Variants in SUB1 observed in about 807,000 individuals in gnomAD.
The protein encoded by SUB1 is SUB1 regulator of transcription.
In SUB1, 1 loss-of-function variant was observed where a neutral mutation model predicts 16.9. The ratio of observed to expected loss-of-function variants is 0.06; its 90% confidence interval spans 0.02 to 0.28. SUB1 has a LOEUF of 0.28. SUB1 is among the 10% of genes least tolerant of loss of function. SUB1 has a pLI of 1.00. For synonymous variants in SUB1, 51 were observed against 46.9 expected (o/e 1.09, Z -0.36); for missense variants, 84 against 145.2 (o/e 0.58, Z 2.16).
At chr5:32,589,908 G>A (rs368004425) in intron 2 of SUB1, among the ~76,000 whole-genome samples, 17 of 152,058 alleles carry the variant, frequency 1.1e-4, no homozygotes, top group African/African-American at 3.1e-4. Flanking sequence ...AGGGGAGAGC[G>A]TATGGGAGAT....
chr5:32,602,832 A>G lies in SUB1; in HGVS notation c.*1748A>G, dbSNP rs560578974. 1 of 152,368 alleles carries G rather than the reference A, an allele frequency of 6.6e-6. No homozygotes were observed. Among genetic ancestry groups the G allele is most frequent in the Admixed American group, 6.5e-5 (1 of 15,298 alleles). The allele number at this position is 152,368 out of a possible 1,614,324, so 9.4% of individuals were successfully genotyped here. A position where few individuals can be genotyped will look rare whatever the true frequency, so the allele number is the denominator to read the frequency against. ...GAAACTCCCAAAGTTTGTACTTTAG[A>G]CACATCATGCTTGATTGGTAACTTC... is the stretch of plus-strand genomic sequence containing the variant. On this transcript the variant is annotated 3_prime_UTR_variant, in exon 5 of 5. Transcript: ENST00000265073.
intron 3 of SUB1, among the ~76,000 whole-genome samples, chr5:32,593,113 A>C (rs1738871816): frequency 6.6e-6 from 1 of 152,084 alleles, no homozygotes; most frequent in African/African-American, 2.4e-5. Context: ...CCTGGGCTCA[A>C]ATGATCCTCC....
chr5:32,591,804 A>G (rs1430413917), intron 3 of SUB1, 119 bp downstream of exon 3: 7 of 1,210,850 alleles, frequency 5.8e-6, no homozygotes, highest in Non-Finnish European at 7.6e-6. Context: ...GAGTTCAAGC[A>G]GTTCTCTGCC....
rs70961652 is a variant in SUB1 at position 32,590,762 on chromosome 5, A to ATTTTTTTTTT, written c.73-787_73-778dup. Among the ~76,000 whole-genome samples, 132 of 33,968 alleles carry ATTTTTTTTTT rather than the reference A, an allele frequency of 3.9e-3. 54 individuals are homozygous for ATTTTTTTTTT. The highest frequency in any genetic ancestry group is 0.016 in the South Asian group (7 of 432). The allele number at this position is 33,968 out of a possible 152,430, so 22.3% of individuals were successfully genotyped here. A position where few individuals can be genotyped will look rare whatever the true frequency, so the allele number is the denominator to read the frequency against. On this transcript the variant is annotated intron_variant, in intron 2 of 4. Coordinates refer to ENST00000265073, the MANE Select transcript of SUB1 (RefSeq NM_006713.4). ...AGGCGTGTGCCACCACGCCTGGCTA[A>ATTTTTTTTTT]TTTTTTTTTTTTTTTTTTTTTTTGA... is the stretch of plus-strand genomic sequence containing the variant.
At chr5:32,590,161 C>G (rs2111658563) in intron 2 of SUB1, among the ~76,000 whole-genome samples, 1 of 152,176 alleles carries the variant, frequency 6.6e-6, no homozygotes, top group East Asian at 1.9e-4. Flanking sequence ...ATTGAGCTAA[C>G]TTTTTGTTTG....
chr5:32,600,037 T>G (rs1739077708), intron 4 of SUB1, among the ~76,000 whole-genome samples: 1 of 152,256 alleles, frequency 6.6e-6, no homozygotes, highest in Non-Finnish European at 1.5e-5. Context: ...GGTGATATGC[T>G]AAGTTCATTA....
At chr5:32,600,934 C>G (rs1440506671) in intron 4 of SUB1, 71 bp from the exon 5 acceptor site, 2 of 1,400,346 alleles carry the variant, frequency 1.4e-6, no homozygotes, top group African/African-American at 2.8e-5. Context: ...AAACAGTATT[C>G]TAGTTGGAAG....
chr5:32,590,786 G>C (rs1023887332), intron 2 of SUB1, among the ~76,000 whole-genome samples: 5 of 1,654 alleles, frequency 3.0e-3, no homozygotes, highest in Non-Finnish European at 0.013. Context: ...TTTTTTTTTT[G>C]AGATGGAGTA....
intron 1 of SUB1, among the ~76,000 whole-genome samples, chr5:32,586,856 T>A (rs540456687): frequency 2.0e-5 from 3 of 152,234 alleles, no homozygotes; most frequent in Admixed American, 1.3e-4. Context: ...ACATTACCAG[T>A]TAAAATCAGA....
chr5:32,585,810 C>A (rs989906160), intron 1 of SUB1, 185 bp downstream of exon 1: 1 of 152,378 alleles, frequency 6.6e-6, no homozygotes, highest in Non-Finnish European at 1.5e-5. Flanking sequence ...CCACGCCTGA[C>A]GCGCTGTGGG....
At chr5:32,588,021 A>T (rs1000498955) in intron 1 of SUB1, among the ~76,000 whole-genome samples, 2 of 152,226 alleles carry the variant, frequency 1.3e-5, no homozygotes, top group African/African-American at 4.8e-5. Flanking sequence ...ATTAGATGTC[A>T]CATTTGCATA....
chr5:32,600,340 A>G (rs1739084717), intron 4 of SUB1, among the ~76,000 whole-genome samples: 1 of 152,258 alleles, frequency 6.6e-6, no homozygotes, highest in Non-Finnish European at 1.5e-5. Flanking sequence ...TTGGGCAAAT[A>G]TTGGAACCAG....
chr5:32,601,612 C>T lies in SUB1; in HGVS notation c.*528C>T, dbSNP rs1216137904. 1 of 152,704 alleles carries T rather than the reference C, an allele frequency of 6.5e-6. No homozygotes were observed. Among genetic ancestry groups the T allele is most frequent in the African/African-American group, 2.4e-5 (1 of 41,410 alleles). The allele number at this position is 152,704 out of a possible 1,614,324, so 9.5% of individuals were successfully genotyped here. On this transcript the variant is annotated 3_prime_UTR_variant, in exon 5 of 5. Transcript: ENST00000265073. ...CTCTTCATGTTCAGTTTTTACTTCA[C>T]TCTTTATTCTTTTCTTTGATTATGG...
At chr5:32,591,412 T>C (rs1441655243) in intron 2 of SUB1, 151 bp from the exon 3 acceptor site, 3 of 1,073,942 alleles carry the variant, frequency 2.8e-6, no homozygotes, top group South Asian at 4.3e-5. Flanking sequence ...ATTCATAGTT[T>C]TGTTGTTGAG....
Position 32,601,529 on chromosome 5 carries a change from C to T in SUB1, c.*445C>T, listed in dbSNP as rs1739113362. On this transcript the variant is annotated 3_prime_UTR_variant, in exon 5 of 5. Coordinates refer to ENST00000265073, the MANE Select transcript of SUB1 (RefSeq NM_006713.4). ...TCAAATGTCTAGGCTTGTTTGACTT[C>T]CACCCCCAATGGTTTTTCACTCTTT... 1 of 153,388 alleles carries T rather than the reference C, an allele frequency of 6.5e-6. No individual in the cohort carries two copies. Among genetic ancestry groups the T allele is most frequent in the South Asian group, 2.0e-4 (1 of 4,896 alleles). 9.5% of individuals were successfully genotyped at this position (153,388 alleles called of 1,614,324 possible). A position where few individuals can be genotyped will look rare whatever the true frequency, so the allele number is the denominator to read the frequency against.
intron 4 of SUB1, among the ~76,000 whole-genome samples, chr5:32,599,859 C>T (rs1739073457): frequency 6.6e-6 from 1 of 151,942 alleles, no homozygotes; most frequent in Non-Finnish European, 1.5e-5. Context: ...CAGCAGTTTT[C>T]TGGGAATACT....
chr5:32,591,560 T>C lies in SUB1; in HGVS notation c.73-3T>C. 1 of 1,588,986 alleles carries C rather than the reference T, an allele frequency of 6.3e-7. No homozygotes were observed. Among genetic ancestry groups the C allele is most frequent in the Non-Finnish European group, 8.5e-7 (1 of 1,172,544 alleles). On this transcript the variant is annotated splice_region_variant and splice_polypyrimidine_tract_variant and intron_variant, in intron 2 of 4. Transcript: ENST00000265073. The stretch of plus-strand genomic sequence containing the variant: ...TGCAAATTTTAACCATATTCTTTTC[T>C]AGTTAAAGAGGAAAAAGCAAGTTGC...
chr5:32,599,294 A>G lies in SUB1; in HGVS notation c.304+225A>G, dbSNP rs148824977. On this transcript the variant is annotated intron_variant, in intron 4 of 4. Transcript: ENST00000265073. ...AACCCAGAAAAGTAACACCCCTAAT[A>G]TCACTTCAGTTGGCTGCTAATTTAC... Among the ~76,000 whole-genome samples the G allele has an allele frequency of 3.4e-3, 518 of 152,350 alleles. 1 individual carries two copies. The highest frequency in any genetic ancestry group is 0.012 in the African/African-American group (502 of 41,576).
chr5:32,590,762 A>AT (rs70961652), intron 2 of SUB1, among the ~76,000 whole-genome samples: 2,541 of 33,846 alleles, frequency 0.075, 537 homozygotes, highest in African/African-American at 0.24. Flanking sequence ...CGCCTGGCTA[A>AT]TTTTTTTTTT....
Sources: gnomAD v4.1 joint callset for allele counts (sites outside exome capture counted in the v4.1 genomes callset) on GRCh38, gnomAD v4.1.1 for gene constraint, MANE v1.5 for transcripts, NCBI Gene and HGNC (gene_info 2026-07-23, HGNC 2026-07-21) for gene names.